Variants in ASXL1 observed in about 807,000 individuals in gnomAD.
The protein encoded by ASXL1 is ASXL transcriptional regulator 1, also known as polycomb group protein ASXL1.
Under a neutral mutation model 89.1 loss-of-function variants are expected in ASXL1, and 65 were observed. The observed-to-expected ratio is 0.73, with a 90% confidence interval of 0.60 to 0.90. The LOEUF (loss-of-function observed/expected upper bound fraction) is 0.90, where lower values mean the gene tolerates loss of function less well. Among genes scored for constraint, ASXL1 ranks in the 40% least tolerant of loss-of-function variants. ASXL1 has a pLI of 0.00. For synonymous variants in ASXL1, 739 were observed against 746.9 expected (o/e 0.99, Z 0.17); for missense variants, 1,786 against 1,942.9 (o/e 0.92, Z 1.52).
intron 4 of ASXL1, among the ~76,000 whole-genome samples, chr20:32,415,628 A>G (rs899525299): frequency 1.3e-5 from 2 of 152,174 alleles, no homozygotes; most frequent in Admixed American, 1.3e-4. Flanking sequence ...CTTTTGAAGC[A>G]CTGGCTTGCT....
intron 4 of ASXL1, among the ~76,000 whole-genome samples, chr20:32,400,102 T>TAA (rs34710186): frequency 1.8e-4 from 27 of 151,108 alleles, no homozygotes; most frequent in Non-Finnish European, 2.7e-4. Flanking sequence ...TGATTTGGTT[T>TAA]AAAAAAAAAT....
intron 4 of ASXL1, among the ~76,000 whole-genome samples, chr20:32,387,568 A>G (rs1023909683): frequency 2.0e-5 from 3 of 152,190 alleles, no homozygotes; most frequent in African/African-American, 7.2e-5. Context: ...CACACTTTAA[A>G]TAATCCCCAT....
chr20:32,381,513 C>CTTTTTT (rs59213941), intron 4 of ASXL1, among the ~76,000 whole-genome samples: 3 of 131,410 alleles, frequency 2.3e-5, no homozygotes, highest in Admixed American at 7.7e-5. Context: ...TTACCAAAAT[C>CTTTTTT]TTTTTTTTTT....
chr20:32,413,955 T>C lies in ASXL1; in HGVS notation c.253-14173T>C, dbSNP rs2049093635. Among the ~76,000 whole-genome samples the C allele has an allele frequency of 2.6e-5, 4 of 152,362 alleles. No individual in the cohort carries two copies. In the South Asian group the frequency reaches 8.3e-4, roughly 32 times the overall value. ...ATTGAGGCCTTACATGTCTTTATTC[T>C]GTGTTCCACACTAGATTGTTGGTTG... is the stretch of plus-strand genomic sequence containing the variant. On this transcript the variant is annotated intron_variant, in intron 4 of 12. Transcript: ENST00000375687.
chr20:32,391,673 G>T (rs2048673851), intron 4 of ASXL1, among the ~76,000 whole-genome samples: 1 of 152,134 alleles, frequency 6.6e-6, no homozygotes, highest in African/African-American at 2.4e-5. Flanking sequence ...ATTTTTAGTA[G>T]AGATAAGGTC....
In ASXL1 at chr20:32,433,468, CTG is replaced by C. The variant is rs1269374749; in HGVS notation, c.1272_1273del (p.Tyr425GlnfsTer12). ...TCTCCGAACCAGAGCCAGAAGGAAT[CTG>C]TACAAAAAACAGGAGTCAGAACAAG... is the stretch of plus-strand genomic sequence containing the variant. ...PDLRTRARRNLYKKQESEQAG... is the reference protein window; with the variant it reads ...PDLRTRARRNXYKKQESEQAG... On this transcript the variant is annotated frameshift_variant, in exon 12 of 13. Coordinates refer to ENST00000375687, the MANE Select transcript of ASXL1 (RefSeq NM_015338.6). LOFTEE classifies it high-confidence loss of function. The C allele has an allele frequency of 3.1e-6, 5 of 1,614,036 alleles. No homozygotes were observed. Among genetic ancestry groups the C allele is most frequent in the East Asian group, 2.2e-5 (1 of 44,898 alleles).
In ASXL1 at chr20:32,437,362, T is replaced by C. The variant is rs1441936294; in HGVS notation, c.*24T>C. ...AATAAATTATGGCCATGGGAAACATTGTATATTTAGTGTGTGTATTTTGAT... is the reference window on the plus strand; with the variant it reads ...AATAAATTATGGCCATGGGAAACATCGTATATTTAGTGTGTGTATTTTGAT... On this transcript the variant is annotated 3_prime_UTR_variant, in exon 13 of 13. Coordinates refer to ENST00000375687, the MANE Select transcript of ASXL1 (RefSeq NM_015338.6). The C allele has an allele frequency of 2.5e-6, 4 of 1,606,428 alleles. No homozygotes were observed. Among genetic ancestry groups the C allele is most frequent in the Non-Finnish European group, 3.4e-6 (4 of 1,173,148 alleles).
At chr20:32,386,780 T>C (rs1465368915) in intron 4 of ASXL1, among the ~76,000 whole-genome samples, 3 of 61,638 alleles carry the variant, frequency 4.9e-5, no homozygotes, top group African/African-American at 1.4e-4. Context: ...GTGTATGACC[T>C]CTCTCTCTCT....
At position 32,436,254 on chromosome 20, in the gene ASXL1, G is replaced by A. The variant is rs2011862618; in HGVS notation, c.3542G>A (p.Ser1181Asn). The A allele has an allele frequency of 6.2e-7, 1 of 1,614,234 alleles. No individual in the cohort carries two copies. The highest frequency in any genetic ancestry group is 8.5e-7 in the Non-Finnish European group (1 of 1,180,052). ...TTGAAGGAGCCTCTTCTGCCAGATAGCTGTGAAACAGGCACTGGTCTTGCC... is the reference window on the plus strand; with the variant it reads ...TTGAAGGAGCCTCTTCTGCCAGATAACTGTGAAACAGGCACTGGTCTTGCC... Reference protein sequence around the residue: ...RALKEPLLPDSCETGTGLARI... With the variant: ...RALKEPLLPDNCETGTGLARI... Residue 1181 changes from serine (S) to asparagine (N), a missense_variant, in exon 13 of 13, where the codon AGC becomes AAC. Ser to Asn is a conservative substitution (Grantham distance 46, BLOSUM62 1). This residue lies in a region of ASXL1 where 1,418 missense variants were observed against 1,427.8 expected (regional missense o/e 0.99). Transcript: ENST00000375687.
At chr20:32,377,961 A>C (rs968147688) in intron 4 of ASXL1, among the ~76,000 whole-genome samples, 1 of 79,798 alleles carries the variant, frequency 1.3e-5, no homozygotes, top group Non-Finnish European at 2.5e-5. Context: ...CCCCAAAATA[A>C]AGTTTTGACT....
chr20:32,372,405 C>T (rs1040743835), intron 4 of ASXL1: 67 of 1,112,438 alleles, frequency 6.0e-5, no homozygotes, highest in South Asian at 9.4e-5. Flanking sequence ...CTCTGATATT[C>T]GTTGTGCTCT....
intron 11 of ASXL1, 50 bp from the exon 12 acceptor site, chr20:32,433,234 A>T (rs754076801): frequency 6.2e-7 from 1 of 1,612,816 alleles, no homozygotes; most frequent in Non-Finnish European, 8.5e-7. Context: ...TAGAAATAAG[A>T]GACATGTCCA....
Position 32,435,759 on chromosome 20 carries a change from C to T in ASXL1, c.3047C>T (p.Ala1016Val), listed in dbSNP as rs1470848941. 2.5e-6 allele frequency: 4 copies of T among 1,614,074 alleles called. No homozygotes were observed. Among genetic ancestry groups the T allele is most frequent in the African/African-American group, 1.3e-5 (1 of 74,928 alleles). The stretch of plus-strand genomic sequence containing the variant: ...CACCTCACGGAGGACAGCAGTGAGG[C>T]TGACACTAGAGAAGCTGCAGTGACA... ...EGHLTEDSSEADTREAAVTKG... is the reference protein window; with the variant it reads ...EGHLTEDSSEVDTREAAVTKG... Residue 1016 changes from alanine (A) to valine (V), a missense_variant, in exon 13 of 13, where the codon GCT becomes GTT. Physicochemically the swap from Ala to Val is moderately conservative, Grantham distance 64. This residue lies in a region of ASXL1 where 1,418 missense variants were observed against 1,427.8 expected (regional missense o/e 0.99). Transcript: ENST00000375687.
At chr20:32,376,294 A>T (rs892406431) in intron 4 of ASXL1, among the ~76,000 whole-genome samples, 3 of 151,656 alleles carry the variant, frequency 2.0e-5, no homozygotes, top group Middle Eastern at 6.8e-3. Context: ...GTTATCTTTG[A>T]GATGGAGTCT....
intron 2 of ASXL1, among the ~76,000 whole-genome samples, chr20:32,367,039 T>C (rs1445343040): frequency 1.3e-5 from 2 of 149,928 alleles, no homozygotes; most frequent in African/African-American, 4.9e-5. Flanking sequence ...GCCAGGACTA[T>C]CTTTCATCTT....
intron 4 of ASXL1, among the ~76,000 whole-genome samples, chr20:32,422,880 C>CGG (rs2011180662): frequency 6.6e-6 from 1 of 151,836 alleles, no homozygotes; most frequent in Admixed American, 6.6e-5. Context: ...CCACCGTGCC[C>CGG]GGCCTATAGA....
At position 32,399,746 on chromosome 20, in the gene ASXL1, TC is replaced by T. The variant is rs1168921068; in HGVS notation, c.253-28381del. On this transcript the variant is annotated intron_variant, in intron 4 of 12. Transcript: ENST00000375687. ...TTTTTAAAAATCTCACATATTTTAC[TC>T]TTTTTTTTTTTTTTTTTTTTTTTTT... Among the ~76,000 whole-genome samples, 114 of 98,506 alleles carry T rather than the reference TC, an allele frequency of 1.2e-3. 9 individuals are homozygous for T. The highest frequency in any genetic ancestry group is 4.4e-3 in the Middle Eastern group (1 of 226). 64.6% of individuals were successfully genotyped at this position (98,506 alleles called of 152,430 possible).
chr20:32,400,102 T>TA (rs34710186), intron 4 of ASXL1, among the ~76,000 whole-genome samples: 120,114 of 151,144 alleles, frequency 0.79, 48,075 homozygotes, highest in South Asian at 0.92. Context: ...TGATTTGGTT[T>TA]AAAAAAAAAT....
intron 4 of ASXL1, among the ~76,000 whole-genome samples, chr20:32,404,819 C>T (rs2048928909): frequency 6.6e-6 from 1 of 152,024 alleles, no homozygotes; most frequent in Non-Finnish European, 1.5e-5. Flanking sequence ...TCTTCTATTC[C>T]TAGTTTACTG....
Sources: gnomAD v4.1 joint callset for allele counts (sites outside exome capture counted in the v4.1 genomes callset) on GRCh38, gnomAD v4.1.1 for gene constraint, gnomAD v4.1.1 regional missense constraint, MANE v1.5 for transcripts, NCBI Gene and HGNC (gene_info 2026-07-23, HGNC 2026-07-21) for gene names.